FILIP1L: variants seen among roughly 807,000 people sequenced by gnomAD.
FILIP1L encodes the protein filamin A-interacting protein 1-like.
Under a neutral mutation model 96.6 loss-of-function variants are expected in FILIP1L, and 55 were observed. The observed-to-expected ratio is 0.57, with a 90% CI of 0.46 to 0.71. The LOEUF is 0.71. FILIP1L is among the 30% of genes least tolerant of loss of function. The probability of loss-of-function intolerance (pLI) is 0.00; values close to 1 mark genes in which losing one functional copy is unlikely to be tolerated. For missense variants in FILIP1L, 1,304 were observed against 1,321.2 expected, an observed-to-expected ratio of 0.99 and a Z score of 0.20; for synonymous variants, 467 against 473.9, an observed-to-expected ratio of 0.99 and a Z score of 0.19.
At chr3:100,018,301 A>G (rs550509604) in intron 1 of FILIP1L, among the ~76,000 whole-genome samples, 226 of 152,218 alleles carry the variant, frequency 1.5e-3, no homozygotes, top group Middle Eastern at 3.4e-3. Flanking sequence ...ACTCCAGCCT[A>G]GGCGACAAGA....
At chr3:99,832,602 C>T (rs1371286570) in intron 5 of FILIP1L, among the ~76,000 whole-genome samples, 3 of 141,580 alleles carry the variant, frequency 2.1e-5, no homozygotes, top group Non-Finnish European at 4.6e-5. Context: ...CAGCACTTTG[C>T]GAGGCTGAGG....
Position 99,958,632 on chromosome 3 carries a change from G to A in FILIP1L, c.-10-27602C>T, listed in dbSNP as rs553482676. 5.9e-5 allele frequency among the ~76,000 whole-genome samples: 9 copies of A among 152,304 alleles called. No individual in the cohort carries two copies. In the South Asian group the frequency reaches 1.9e-3, roughly 32 times the overall value. On this transcript the variant is annotated intron_variant, in intron 1 of 5. Coordinates refer to ENST00000477258, the MANE Select transcript of FILIP1L (RefSeq NM_001387850.1). ...CAGAATACACTTCCAGTGAAGCTTG[G>A]TTTGAATCTTGGTACTCTTGCAGGA... is the stretch of plus-strand genomic sequence containing the variant.
intron 5 of FILIP1L, among the ~76,000 whole-genome samples, chr3:99,835,283 T>A (rs62283525): frequency 5.8e-4 from 89 of 152,340 alleles, no homozygotes; most frequent in Non-Finnish European, 1.1e-3. Flanking sequence ...CTTTGTCTGG[T>A]CCTTGTGAAT....
chr3:100,098,597 A>G (rs1405809771), intron 1 of FILIP1L, among the ~76,000 whole-genome samples: 1 of 152,242 alleles, frequency 6.6e-6, no homozygotes, highest in Non-Finnish European at 1.5e-5. Flanking sequence ...CAATACCAGT[A>G]CATGCAAGGA....
intron 3 of FILIP1L, among the ~76,000 whole-genome samples, chr3:99,925,632 G>A (rs1707267936): frequency 6.6e-6 from 1 of 152,178 alleles, no homozygotes; most frequent in African/African-American, 2.4e-5. Flanking sequence ...TGTCCAGCTG[G>A]TACCCTTAGG....
chr3:99,832,846 AAAAAAAAAAAAGTTGTTTTTTTTTTT>A (rs1436701057), intron 5 of FILIP1L, among the ~76,000 whole-genome samples: 2 of 149,412 alleles, frequency 1.3e-5, no homozygotes, highest in Non-Finnish European at 3.0e-5. Flanking sequence ...TCTCAAAAAA[AAAAAAAAAAAAGTTGTTTTTTTTTTT>A]TTTCTTGTAT....
At chr3:99,964,400 G>T (rs1298865219) in intron 1 of FILIP1L, 3 of 150,670 alleles carry the variant, frequency 2.0e-5, no homozygotes, top group East Asian at 4.1e-4. Flanking sequence ...TGGGCTAGGT[G>T]ATGTTTAGGA....
In FILIP1L at chr3:99,829,788, GGTCAGGTATGCTTACTACACCAGTGATT is replaced by G. The variant is rs1429327907; in HGVS notation, c.*598_*625del. ...AATGTTACTGAGACTAAGTGCCAGT[GGTCAGGTATGCTTACTACACCAGTGATT>G]GTCAGGTATTCTGCACAAAGGATAT... On this transcript the variant is annotated 3_prime_UTR_variant, in exon 6 of 6. Coordinates refer to ENST00000477258, the MANE Select transcript of FILIP1L (RefSeq NM_001387850.1). Among the ~76,000 whole-genome samples the G allele has an allele frequency of 6.6e-6, 1 of 152,128 alleles. No homozygotes were observed. The highest frequency in any genetic ancestry group is 2.4e-5 in the African/African-American group (1 of 41,418).
intron 1 of FILIP1L, among the ~76,000 whole-genome samples, chr3:99,952,563 T>C (rs1422567481): frequency 6.6e-6 from 1 of 152,194 alleles, no homozygotes; most frequent in East Asian, 1.9e-4. Flanking sequence ...TCTCAGTTTA[T>C]TAAACTTCTG....
At chr3:100,065,190 A>G (rs1224341680) in intron 1 of FILIP1L, among the ~76,000 whole-genome samples, 6 of 152,172 alleles carry the variant, frequency 3.9e-5, no homozygotes, top group Admixed American at 2.0e-4. Context: ...GCCCCACCCC[A>G]GACTTACTGA....
At chr3:99,968,059 G>C (rs963438808) in intron 1 of FILIP1L, among the ~76,000 whole-genome samples, 1 of 152,128 alleles carries the variant, frequency 6.6e-6, no homozygotes, top group Non-Finnish European at 1.5e-5. Flanking sequence ...AGGGATCCTT[G>C]GGGAAAACAT....
At chr3:100,054,817 C>T (rs533338235) in intron 1 of FILIP1L, among the ~76,000 whole-genome samples, 3 of 152,144 alleles carry the variant, frequency 2.0e-5, no homozygotes, top group Non-Finnish European at 2.9e-5. Flanking sequence ...CTCTCTCTCA[C>T]CATCACTGGT....
chr3:99,876,861 G>A (rs1705551701), intron 4 of FILIP1L, among the ~76,000 whole-genome samples: 1 of 151,964 alleles, frequency 6.6e-6, no homozygotes. Flanking sequence ...ATCATTTTTT[G>A]GCAGGGAAAA....
rs1413900466 is a variant in FILIP1L, at chr3:99,886,056, TCC to T, written c.606-34988_606-34987del. ...AGTGGATAAAAGAGGTATTACACTT[TCC>T]TTTCTATATCAAGGAAGGTGGAATA... On this transcript the variant is annotated intron_variant, in intron 4 of 5. Transcript: ENST00000477258. 2.0e-5 allele frequency among the ~76,000 whole-genome samples: 3 copies of T among 152,378 alleles called. No homozygotes were observed. The East Asian group carries it at 5.8e-4, about 29-fold the overall frequency.
In FILIP1L at chr3:99,850,943, C is replaced by G; in HGVS notation, c.733G>C (p.Glu245Gln). 1 of 1,614,198 alleles carries G rather than the reference C, an allele frequency of 6.2e-7. No individual in the cohort carries two copies. Among genetic ancestry groups the G allele is most frequent in the Non-Finnish European group, 8.5e-7 (1 of 1,180,012 alleles). The stretch of plus-strand genomic sequence containing the variant: ...AGCTGTGCCGTCAGCCTTTGCTGTT[C>G]ATCCACCACCATCAAAGCAAAAGAC... The part of the protein sequence containing the change: ...LKSFALMVVD[E>Q]QQRLTAQLTL... The change falls in exon 5 of 6, where the codon GAA (glutamate) becomes CAA (glutamine). Residue 245 changes from glutamate (E) to glutamine (Q), a missense_variant. Transcript: ENST00000477258.
At chr3:100,105,936 A>G (rs1261682179) in intron 1 of FILIP1L, among the ~76,000 whole-genome samples, 1 of 152,192 alleles carries the variant, frequency 6.6e-6, no homozygotes, top group Non-Finnish European at 1.5e-5. Flanking sequence ...ACTTAGAAAC[A>G]TCATCTTGGA....
intron 5 of FILIP1L, among the ~76,000 whole-genome samples, chr3:99,831,236 A>G (rs1942659634): frequency 6.6e-6 from 1 of 152,230 alleles, no homozygotes; most frequent in Admixed American, 6.5e-5. Context: ...TAATGAGGCC[A>G]AAGCTTCAGG....
At chr3:100,014,895 C>CTTTTTTTTTTTTTTTTTTT (rs1233573719) in intron 1 of FILIP1L, among the ~76,000 whole-genome samples, 5 of 25,006 alleles carry the variant, frequency 2.0e-4, no homozygotes, top group African/African-American at 3.5e-4. Context: ...TTCTTTCTTT[C>CTTTTTTTTTTTTTTTTTTT]TTTTTTTTTT....
At chr3:100,106,449 A>C (rs2066396683) in intron 1 of FILIP1L, among the ~76,000 whole-genome samples, 1 of 152,154 alleles carries the variant, frequency 6.6e-6, no homozygotes, top group Non-Finnish European at 1.5e-5. Flanking sequence ...GAAGGACTCC[A>C]GCAGAAATGA....
Sources: allele counts gnomAD v4.1 joint callset (sites outside exome capture counted in the v4.1 genomes callset), GRCh38; gene constraint gnomAD v4.1.1; transcripts MANE v1.5; gene names NCBI Gene and HGNC (gene_info 2026-07-23, HGNC 2026-07-21).